Variants in DGKB observed in about 807,000 individuals in gnomAD.
DGKB encodes diacylglycerol kinase beta, also known as 90 kDa diacylglycerol kinase.
DGKB carries 67 observed loss-of-function variants against 114.3 expected under a neutral mutation model. That is an observed-to-expected ratio of 0.59 (90% CI 0.48 to 0.72). The LOEUF is 0.72. Among genes scored for constraint, DGKB ranks in the 30% least tolerant of loss-of-function variants. The pLI is 0.00. For missense variants in DGKB, 907 were observed against 975.2 expected (o/e 0.93, Z 0.93); for synonymous variants, 398 against 323.1 (o/e 1.23, Z -2.49).
intron 2 of DGKB, among the ~76,000 whole-genome samples, chr7:14,838,205 A>G (rs1444658587): frequency 6.6e-6 from 1 of 152,194 alleles, no homozygotes; most frequent in Non-Finnish European, 1.5e-5. Flanking sequence ...TCATTAGCCA[A>G]TGAAATACAA....
At chr7:14,865,650 G>T (rs1489262958) in intron 1 of DGKB, among the ~76,000 whole-genome samples, 1 of 152,174 alleles carries the variant, frequency 6.6e-6, no homozygotes, top group Non-Finnish European at 1.5e-5. Flanking sequence ...TGGATTCTCT[G>T]TAGAATATTC....
intron 20 of DGKB, among the ~76,000 whole-genome samples, chr7:14,506,026 A>G (rs2128963656): frequency 6.6e-6 from 1 of 152,292 alleles, no homozygotes; most frequent in South Asian, 2.1e-4. Context: ...TTCATTGTTA[A>G]ATGTATACTC....
intron 1 of DGKB, among the ~76,000 whole-genome samples, chr7:14,929,674 C>G (rs932064627): frequency 5.3e-5 from 8 of 152,098 alleles, no homozygotes; most frequent in African/African-American, 1.9e-4. Context: ...TGCAGGCTGT[C>G]TGTTCACTCT....
chr7:14,961,667 C>T (rs908614942), intron 1 of DGKB, among the ~76,000 whole-genome samples: 5 of 152,128 alleles, frequency 3.3e-5, no homozygotes, highest in Non-Finnish European at 5.9e-5. Flanking sequence ...AATGTCGGGC[C>T]ATTTTTGCTT....
intron 20 of DGKB, among the ~76,000 whole-genome samples, chr7:14,572,382 G>A (rs990729002): frequency 6.6e-6 from 1 of 151,676 alleles, no homozygotes; most frequent in Non-Finnish European, 1.5e-5. Context: ...AACCCAGGAG[G>A]TGGAGTTTGC....
intron 2 of DGKB, among the ~76,000 whole-genome samples, chr7:14,760,836 C>A (rs1835578919): frequency 6.6e-6 from 1 of 152,114 alleles, no homozygotes; most frequent in African/African-American, 2.4e-5. Context: ...ATAAATGACT[C>A]AGAGAAGGGG....
chr7:14,432,618 C>T (rs1421281465), intron 21 of DGKB, among the ~76,000 whole-genome samples: 1 of 152,136 alleles, frequency 6.6e-6, no homozygotes, highest in Non-Finnish European at 1.5e-5. Flanking sequence ...TGGCTTGCAA[C>T]TACTTTTTAA....
rs77406735 is a variant in DGKB at position 14,191,670 on chromosome 7, C to G, written c.2123-13519G>C. On this transcript the variant is annotated intron_variant, in intron 23 of 25. Coordinates refer to ENST00000402815, the MANE Select transcript of DGKB (RefSeq NM_001350709.2). ...ATGCACCATGAGGCTTTGAGCGAAA[C>G]TCTTCTGGGGGACAAAGGGGGCTTC... 930 of 310,616 alleles carry G rather than the reference C, an allele frequency of 3.0e-3. 9 individuals carry two copies. The highest frequency in any genetic ancestry group is 0.02 in the African/African-American group (897 of 45,076). 19.2% of individuals were successfully genotyped at this position (310,616 alleles called of 1,614,324 possible). A position where few individuals can be genotyped will look rare whatever the true frequency, so the allele number is the denominator to read the frequency against.
intron 2 of DGKB, among the ~76,000 whole-genome samples, chr7:14,774,531 A>G (rs1156248131): frequency 6.6e-6 from 1 of 152,216 alleles, no homozygotes; most frequent in Admixed American, 6.5e-5. Flanking sequence ...GAATGTTGCT[A>G]TGAATGAGGG....
intron 12 of DGKB, among the ~76,000 whole-genome samples, chr7:14,681,569 C>G (rs557575128): frequency 2.0e-5 from 3 of 151,852 alleles, no homozygotes; most frequent in Non-Finnish European, 4.4e-5. Context: ...TCAGTGCCTC[C>G]TACTGTTTTA....
chr7:14,399,775 A>AATGAC (rs2128723563), intron 21 of DGKB, among the ~76,000 whole-genome samples: 1 of 151,984 alleles, frequency 6.6e-6, no homozygotes, highest in Admixed American at 6.6e-5. Context: ...TGAAAAAGTC[A>AATGAC]TTCCTCTTGA....
chr7:14,154,432 T>C (rs567415418), intron 25 of DGKB, among the ~76,000 whole-genome samples: 1 of 152,144 alleles, frequency 6.6e-6, no homozygotes, highest in African/African-American at 2.4e-5. Flanking sequence ...CTAGGGACTT[T>C]GAGCAAGTTA....
At chr7:14,495,535 A>T (rs950405353) in intron 20 of DGKB, among the ~76,000 whole-genome samples, 1 of 151,856 alleles carries the variant, frequency 6.6e-6, no homozygotes, top group Non-Finnish European at 1.5e-5. Context: ...AGCATTTAAA[A>T]TCTACACATG....
intron 8 of DGKB, among the ~76,000 whole-genome samples, chr7:14,697,534 A>C (rs944335321): frequency 2.0e-5 from 3 of 152,130 alleles, no homozygotes; most frequent in African/African-American, 7.2e-5. Context: ...TAACAGCTTC[A>C]GAACCCCACA....
chr7:14,234,809 G>T (rs545146402), intron 23 of DGKB, among the ~76,000 whole-genome samples: 1 of 152,114 alleles, frequency 6.6e-6, no homozygotes, highest in Admixed American at 6.6e-5. Context: ...AAGCAATGTA[G>T]TCCTTTTCTG....
At chr7:14,199,684 A>G (rs974229804) in intron 23 of DGKB, among the ~76,000 whole-genome samples, 6 of 152,086 alleles carry the variant, frequency 3.9e-5, no homozygotes, top group Non-Finnish European at 5.9e-5. Flanking sequence ...ACAAAGCTTC[A>G]CTATAACTGG....
chr7:14,821,516 A>G (rs931927039), intron 2 of DGKB, among the ~76,000 whole-genome samples: 11 of 152,146 alleles, frequency 7.2e-5, no homozygotes, highest in Admixed American at 6.6e-4. Context: ...AAAGGTGAAA[A>G]GGAAGCTTGG....
intron 20 of DGKB, among the ~76,000 whole-genome samples, chr7:14,545,694 G>A (rs1794172498): frequency 1.3e-5 from 2 of 152,188 alleles, no homozygotes; most frequent in Non-Finnish European, 2.9e-5. Context: ...ACTGGGATCT[G>A]CTGGGCAATG....
At chr7:14,368,015 T>C (rs1816978316) in intron 21 of DGKB, among the ~76,000 whole-genome samples, 1 of 152,064 alleles carries the variant, frequency 6.6e-6, no homozygotes, top group South Asian at 2.1e-4. Context: ...TAAATGCATT[T>C]TTGACATGAT....
Sources: allele counts gnomAD v4.1 joint callset (sites outside exome capture counted in the v4.1 genomes callset), GRCh38; gene constraint gnomAD v4.1.1; transcripts MANE v1.5; gene names NCBI Gene and HGNC (gene_info 2026-07-23, HGNC 2026-07-21).